PLCB4: variants seen among roughly 807,000 people sequenced by gnomAD.
The protein encoded by PLCB4 is phospholipase C beta 4, also known as 1-phosphatidylinositol 4,5-bisphosphate phosphodiesterase beta-4.
Under a neutral mutation model 178.8 loss-of-function variants are expected in PLCB4, and 77 were observed. The observed-to-expected ratio is 0.43, with a 90% CI of 0.36 to 0.52. The LOEUF (loss-of-function observed/expected upper bound fraction) is 0.52. Among genes scored for constraint, PLCB4 ranks in the 20% least tolerant of loss-of-function variants. The pLI, the probability that PLCB4 is intolerant of heterozygous loss-of-function variation, is 0.00. For missense variants in PLCB4, 1,024 were observed against 1,453.4 expected (o/e 0.70, Z 4.80); for synonymous variants, 496 against 490.8 (o/e 1.01, Z -0.14).
intron 2 of PLCB4, among the ~76,000 whole-genome samples, chr20:9,103,985 C>T (rs1325272690): frequency 1.3e-5 from 2 of 152,038 alleles, no homozygotes; most frequent in African/African-American, 4.8e-5. Context: ...GTCTCTGTTC[C>T]AGTTGCTATT....
At chr20:9,428,627 G>T (rs899674660) in intron 28 of PLCB4, among the ~76,000 whole-genome samples, 29 of 152,134 alleles carry the variant, frequency 1.9e-4, no homozygotes, top group African/African-American at 7.0e-4. Context: ...TCATAGACTT[G>T]GGATTTGCCT....
chr20:9,424,033 T>TA, intron 28 of PLCB4, 81 bp downstream of exon 28: 1 of 896,334 alleles, frequency 1.1e-6, no homozygotes, highest in Non-Finnish European at 1.8e-6. Flanking sequence ...GTCCATGCTT[T>TA]AAAAAACAAT....
chr20:9,237,375 G>C (rs2094005057), intron 3 of PLCB4, among the ~76,000 whole-genome samples: 1 of 152,138 alleles, frequency 6.6e-6, no homozygotes, highest in African/African-American at 2.4e-5. Flanking sequence ...TGGAGGAAAG[G>C]TGGGTGATGA....
At chr20:9,346,101 C>T (rs537333494) in intron 7 of PLCB4, among the ~76,000 whole-genome samples, 4 of 152,330 alleles carry the variant, frequency 2.6e-5, no homozygotes, top group East Asian at 1.9e-4. Context: ...GCTTCAGCCT[C>T]GTCTGGGGAC....
chr20:9,389,516 GA>G (rs1029478033), intron 15 of PLCB4, among the ~76,000 whole-genome samples: 1 of 152,202 alleles, frequency 6.6e-6, no homozygotes, highest in African/African-American at 2.4e-5. Flanking sequence ...GGTCGGGAGT[GA>G]AAACCTCTGT....
chr20:9,372,200 CCT>C (rs2036307453), intron 10 of PLCB4, 101 bp from the exon 11 acceptor site: 5 of 658,138 alleles, frequency 7.6e-6, no homozygotes, highest in Admixed American at 5.5e-5. Flanking sequence ...AGATGAAGAC[CCT>C]GAGTCCAAGT....
At chr20:9,273,106 T>C (rs747728368) in intron 3 of PLCB4, among the ~76,000 whole-genome samples, 3 of 152,100 alleles carry the variant, frequency 2.0e-5, no homozygotes, top group Non-Finnish European at 4.4e-5. Context: ...ATGAGTTGAA[T>C]GTTTGACGTA....
rs535886718 is a variant in PLCB4 at position 9,180,190 on chromosome 20, A to G, written c.-78-37200A>G. Among the ~76,000 whole-genome samples the G allele has an allele frequency of 2.6e-5, 4 of 152,306 alleles. No homozygotes were observed. The East Asian group carries it at 7.7e-4, about 29-fold the overall frequency. ...TTGTCCTAACAATCTTGTGGCCCCA[A>G]TATTCATCATAATAAAAATTTTTCT... On this transcript the variant is annotated intron_variant, in intron 2 of 39. Coordinates refer to ENST00000378473, the MANE Select transcript of PLCB4 (RefSeq NM_001377142.1).
chr20:9,272,073 G>C (rs1346022261), intron 3 of PLCB4, among the ~76,000 whole-genome samples: 1 of 151,768 alleles, frequency 6.6e-6, no homozygotes, highest in Non-Finnish European at 1.5e-5. Flanking sequence ...AGCTACTCGG[G>C]AGGCTGAGGT....
At chr20:9,224,155 A>G (rs371155086) in intron 3 of PLCB4, among the ~76,000 whole-genome samples, 13 of 152,298 alleles carry the variant, frequency 8.5e-5, no homozygotes, top group East Asian at 7.7e-4. Context: ...TGCGAAGATA[A>G]TATTGCAACT....
chr20:9,423,625 A>G (rs1449016057), intron 27 of PLCB4, 123 bp from the exon 28 acceptor site: 1 of 734,844 alleles, frequency 1.4e-6, no homozygotes, highest in Non-Finnish European at 2.3e-6. Context: ...CAGATGGATC[A>G]TGGACTTACT....
intron 30 of PLCB4, among the ~76,000 whole-genome samples, chr20:9,439,100 T>G (rs982526180): frequency 3.3e-5 from 5 of 152,234 alleles, no homozygotes; most frequent in African/African-American, 1.2e-4. Flanking sequence ...CAGCTTATGC[T>G]GCATAACAAA....
intron 10 of PLCB4, 116 bp downstream of exon 10, chr20:9,371,411 T>C (rs1193127405): frequency 1.6e-6 from 1 of 606,428 alleles, no homozygotes; most frequent in Non-Finnish European, 2.9e-6. Flanking sequence ...GAATTATATG[T>C]CAGTGACATA....
intron 4 of PLCB4, among the ~76,000 whole-genome samples, chr20:9,320,174 T>C (rs2147952797): frequency 6.6e-6 from 1 of 152,326 alleles, no homozygotes; most frequent in South Asian, 2.1e-4. Context: ...CTTGATCATA[T>C]GCTAAACAAG....
At chr20:9,391,923 T>C (rs969046623) in intron 17 of PLCB4, among the ~76,000 whole-genome samples, 2 of 152,254 alleles carry the variant, frequency 1.3e-5, no homozygotes, top group Admixed American at 6.5e-5. Flanking sequence ...CTTGATGAGC[T>C]GCCTGTCTTC....
chr20:9,391,085 G>A (rs1283615944), intron 17 of PLCB4, among the ~76,000 whole-genome samples: 1 of 152,148 alleles, frequency 6.6e-6, no homozygotes, highest in Non-Finnish European at 1.5e-5. Context: ...TGTGGAAAGT[G>A]CCCTGGATTG....
At chr20:9,312,033 C>G (rs1159091457) in intron 4 of PLCB4, among the ~76,000 whole-genome samples, 1 of 152,142 alleles carries the variant, frequency 6.6e-6, no homozygotes, top group East Asian at 1.9e-4. Context: ...ATAATCAACT[C>G]AAACTACAAC....
intron 1 of PLCB4, among the ~76,000 whole-genome samples, chr20:9,078,450 G>A (rs1224770451): frequency 1.3e-5 from 2 of 151,076 alleles, no homozygotes; most frequent in Non-Finnish European, 2.9e-5. Flanking sequence ...GCAGTGGTGC[G>A]ATCTCGGCTC....
At chr20:9,069,349 G>T (rs1294092969) in intron 1 of PLCB4, 143 bp downstream of exon 1, 1 of 152,252 alleles carries the variant, frequency 6.6e-6, no homozygotes, top group East Asian at 2.0e-4. Flanking sequence ...CAGGTGCCGG[G>T]TGCCAGGCGC....
Sources: gnomAD v4.1 joint callset for allele counts (sites outside exome capture counted in the v4.1 genomes callset) on GRCh38, gnomAD v4.1.1 for gene constraint, MANE v1.5 for transcripts, NCBI Gene and HGNC (gene_info 2026-07-23, HGNC 2026-07-21) for gene names.